The following PBX1 variants were observed in gnomAD, a reference collection of about 807,000 sequenced individuals.
PBX1 encodes the protein pre-B-cell leukemia transcription factor 1.
In PBX1, 6 loss-of-function variants were observed where a neutral mutation model predicts 53.4. The observed-to-expected ratio is 0.11, with a 90% CI of 0.06 to 0.22. The LOEUF is 0.22. Among genes scored for constraint, PBX1 ranks in the 10% least tolerant of loss-of-function variants. The probability of loss-of-function intolerance (pLI) is 1.00; values close to 1 mark genes in which losing one functional copy is unlikely to be tolerated. For missense variants in PBX1, 251 were observed against 551.4 expected (o/e 0.46, Z 5.46); for synonymous variants, 204 against 212.3 (o/e 0.96, Z 0.34).
At chr1:164,761,814 A>T (rs533750954) in intron 2 of PBX1, among the ~76,000 whole-genome samples, 263 of 152,218 alleles carry the variant, frequency 1.7e-3, no homozygotes, top group African/African-American at 6.2e-3. Flanking sequence ...CTATACCTTT[A>T]TTTGGATCAG....
chr1:164,746,690 G>C (rs1012242211), intron 2 of PBX1, among the ~76,000 whole-genome samples: 9 of 152,182 alleles, frequency 5.9e-5, no homozygotes, highest in African/African-American at 2.2e-4. Context: ...TTACAGCCAT[G>C]AGCCACCACG....
intron 2 of PBX1, among the ~76,000 whole-genome samples, chr1:164,744,204 A>T (rs1048932953): frequency 6.6e-6 from 1 of 152,162 alleles, no homozygotes; most frequent in South Asian, 2.1e-4. Context: ...GAAAGTCAGA[A>T]ATTCAAAATC....
intron 2 of PBX1, among the ~76,000 whole-genome samples, chr1:164,788,752 T>TCCCCCC (rs11429159): frequency 5.8e-5 from 4 of 68,956 alleles, no homozygotes; most frequent in Non-Finnish European, 8.4e-5. Flanking sequence ...CCCGCCGCCC[T>TCCCCCC]CCCCCCCCCG....
At chr1:164,647,883 C>T (rs867286238) in intron 2 of PBX1, among the ~76,000 whole-genome samples, 93 of 150,304 alleles carry the variant, frequency 6.2e-4, no homozygotes, top group African/African-American at 2.1e-3. Context: ...GGCGCGATCT[C>T]GGCTCACTGC....
chr1:164,681,763 C>G (rs965994407), intron 2 of PBX1, among the ~76,000 whole-genome samples: 2 of 152,278 alleles, frequency 1.3e-5, no homozygotes, highest in South Asian at 2.1e-4. Flanking sequence ...AATTCATACA[C>G]CCATCCCCCA....
chr1:164,639,132 G>T (rs557150680), intron 2 of PBX1, among the ~76,000 whole-genome samples: 1 of 152,140 alleles, frequency 6.6e-6, no homozygotes, highest in Non-Finnish European at 1.5e-5. Flanking sequence ...TAGCAATATC[G>T]GTTTTACAGA....
intron 2 of PBX1, among the ~76,000 whole-genome samples, chr1:164,639,202 AT>A (rs1658970586): frequency 6.6e-6 from 1 of 152,206 alleles, no homozygotes; most frequent in African/African-American, 2.4e-5. Flanking sequence ...GTATAAAGTA[AT>A]TGTTGCTGTT....
At chr1:164,773,463 C>T (rs567579139) in intron 2 of PBX1, among the ~76,000 whole-genome samples, 1 of 152,286 alleles carries the variant, frequency 6.6e-6, no homozygotes, top group East Asian at 1.9e-4. Context: ...GGTTTATGCA[C>T]TTATCAGTTG....
At chr1:164,561,901 A>G (rs1357038075) in intron 1 of PBX1, among the ~76,000 whole-genome samples, 5 of 151,854 alleles carry the variant, frequency 3.3e-5, no homozygotes, top group Non-Finnish European at 5.9e-5. Flanking sequence ...AATTAAAACT[A>G]TTTTAAAAGA....
intron 2 of PBX1, among the ~76,000 whole-genome samples, chr1:164,758,217 C>T (rs1210155146): frequency 6.6e-6 from 1 of 152,196 alleles, no homozygotes; most frequent in Non-Finnish European, 1.5e-5. Flanking sequence ...GTGAGCGGAA[C>T]GTTGTGTTCA....
chr1:164,796,844 G>A (rs928733129), intron 3 of PBX1, among the ~76,000 whole-genome samples: 4 of 152,172 alleles, frequency 2.6e-5, no homozygotes, highest in African/African-American at 9.7e-5. Flanking sequence ...CAGCATGTGA[G>A]GGTTTTATTT....
At chr1:164,696,220 C>G (rs2102035871) in intron 2 of PBX1, among the ~76,000 whole-genome samples, 1 of 152,090 alleles carries the variant, frequency 6.6e-6, no homozygotes, top group African/African-American at 2.4e-5. Flanking sequence ...GATCTGGGAT[C>G]TGCTATCTTG....
intron 2 of PBX1, among the ~76,000 whole-genome samples, chr1:164,585,491 G>C (rs776464442): frequency 1.2e-4 from 18 of 152,228 alleles, no homozygotes; most frequent in Non-Finnish European, 2.4e-4. Context: ...TGTCTGGGGA[G>C]GTTGGGGTTG....
chr1:164,589,700 T>C (rs889247090), intron 2 of PBX1, among the ~76,000 whole-genome samples: 7 of 152,138 alleles, frequency 4.6e-5, no homozygotes, highest in Non-Finnish European at 1.0e-4. Context: ...GGAGATATTA[T>C]CCACCTGTCA....
In PBX1 at chr1:164,848,898, G is replaced by A; in HGVS notation, c.*2222G>A. ...AAGGGAATGTGTATTTGAAGGAAAT[G>A]CAAAAACTAAGTATTTAGCAAAATG... On this transcript the variant is annotated 3_prime_UTR_variant, in exon 9 of 9. Coordinates refer to ENST00000420696, the MANE Select transcript of PBX1 (RefSeq NM_002585.4). 9.4e-7 allele frequency: 1 copy of A among 1,068,340 alleles called. No individual in the cohort carries two copies. The highest frequency in any genetic ancestry group is 4.5e-5 in the South Asian group (1 of 22,214). 66.2% of individuals were successfully genotyped at this position (1,068,340 alleles called of 1,614,324 possible).
chr1:164,718,170 G>A (rs1028637500), intron 2 of PBX1, among the ~76,000 whole-genome samples: 7 of 152,120 alleles, frequency 4.6e-5, no homozygotes, highest in African/African-American at 1.7e-4. Context: ...CCACGAATGT[G>A]GCATGTTTTA....
intron 2 of PBX1, among the ~76,000 whole-genome samples, chr1:164,631,706 C>T (rs1336000574): frequency 6.6e-6 from 1 of 152,130 alleles, no homozygotes; most frequent in African/African-American, 2.4e-5. Context: ...CATCCAGATA[C>T]ACTTTAAACA....
chr1:164,670,024 T>C lies in PBX1; in HGVS notation c.265+106713T>C, dbSNP rs186616993. ...GCAGTATCAAGATTTGACTACCAGC[T>C]CACAATATTTCCTCCTGCACATCTG... On this transcript the variant is annotated intron_variant, in intron 2 of 8. Coordinates refer to ENST00000420696, the MANE Select transcript of PBX1 (RefSeq NM_002585.4). Among the ~76,000 whole-genome samples, 15 of 152,254 alleles carry C rather than the reference T, an allele frequency of 9.9e-5. No individual in the cohort carries two copies. The East Asian group carries it at 2.9e-3, about 29-fold the overall frequency.
At chr1:164,643,239 G>A (rs574548475) in intron 2 of PBX1, among the ~76,000 whole-genome samples, 1 of 152,134 alleles carries the variant, frequency 6.6e-6, no homozygotes, top group Non-Finnish European at 1.5e-5. Flanking sequence ...CGTTGCAGAC[G>A]CTCTCCCTAC....
Sources: allele counts gnomAD v4.1 joint callset (sites outside exome capture counted in the v4.1 genomes callset), GRCh38; gene constraint gnomAD v4.1.1; transcripts MANE v1.5; gene names NCBI Gene and HGNC (gene_info 2026-07-23, HGNC 2026-07-21).